Variants in CNOT4 observed in about 807,000 individuals in gnomAD.
The protein encoded by CNOT4 is CCR4-associated factor 4.
In CNOT4, 8 loss-of-function variants were observed where a neutral mutation model predicts 73.8. That is an observed-to-expected ratio of 0.11 (90% CI 0.06 to 0.20). The LOEUF is 0.20. CNOT4 is among the 10% of genes least tolerant of loss of function. The pLI, the probability that CNOT4 is intolerant of heterozygous loss-of-function variation, is 1.00. For missense variants in CNOT4, 564 were observed against 883.4 expected (o/e 0.64, Z 4.58); for synonymous variants, 293 against 321.1 (o/e 0.91, Z 0.94).
rs1801360319 is a variant in CNOT4, at chr7:135,468,407, G to A, written c.-92-29984C>T. Among the ~76,000 whole-genome samples, 3 of 152,138 alleles carry A rather than the reference G, an allele frequency of 2.0e-5. No homozygotes were observed. The South Asian group carries it at 6.2e-4, about 32-fold the overall frequency. Reference sequence around the variant, plus strand: ...AAAATTTCACACATCTCAGCTGGGCGTGGTGGCTCACACCTGTAGTCCGAA... The same window carrying A: ...AAAATTTCACACATCTCAGCTGGGCATGGTGGCTCACACCTGTAGTCCGAA... On this transcript the variant is annotated intron_variant, in intron 1 of 11. Coordinates refer to ENST00000541284, the MANE Select transcript of CNOT4 (RefSeq NM_001190850.2).
chr7:135,444,650 G>T, intron 1 of CNOT4: 2 of 1,156,872 alleles, frequency 1.7e-6, no homozygotes, highest in South Asian at 2.4e-5. Flanking sequence ...CTCTCCACTG[G>T]ACTAGCAAGA....
chr7:135,446,291 A>C (rs1799818921), intron 1 of CNOT4, among the ~76,000 whole-genome samples: 1 of 152,174 alleles, frequency 6.6e-6, no homozygotes, highest in Admixed American at 6.5e-5. Context: ...TACTTAATTT[A>C]ACAGAGTTTC....
At chr7:135,390,561 G>A (rs1041285224) in intron 10 of CNOT4, among the ~76,000 whole-genome samples, 2 of 151,774 alleles carry the variant, frequency 1.3e-5, no homozygotes, top group Non-Finnish European at 2.9e-5. Context: ...TGCTAAAAAG[G>A]TTTCACCTAA....
intron 3 of CNOT4, among the ~76,000 whole-genome samples, chr7:135,417,956 C>T (rs1797960548): frequency 6.6e-6 from 1 of 152,218 alleles, no homozygotes; most frequent in Non-Finnish European, 1.5e-5. Context: ...CAGCACACAA[C>T]ACTTCTCATA....
Position 135,413,515 on chromosome 7 carries a change from C to T in CNOT4, c.660G>A (p.Ala220=), listed in dbSNP as rs552025266. The change falls in exon 6 of 12, where the codon GCG becomes GCA. Residue 220 remains alanine (A), a synonymous_variant. Transcript: ENST00000541284. Reference sequence around the variant, plus strand: ...GCATTTCCTCTTTTGTGAAGCTGGCCGCCTCATCCCCCAATTCATGAAGAT... The same window carrying T: ...GCATTTCCTCTTTTGTGAAGCTGGCTGCCTCATCCCCCAATTCATGAAGAT... ...CMYLHELGDE[A]ASFTKEEMQA... The T allele has an allele frequency of 1.1e-5, 17 of 1,611,886 alleles. No individual in the cohort carries two copies. Among genetic ancestry groups the T allele is most frequent in the East Asian group, 2.2e-5 (1 of 44,836 alleles).
intron 7 of CNOT4, among the ~76,000 whole-genome samples, chr7:135,401,506 T>C (rs1796999732): frequency 6.6e-6 from 1 of 152,184 alleles, no homozygotes; most frequent in Non-Finnish European, 1.5e-5. Flanking sequence ...AACCTCTTTC[T>C]ACTGCACTAA....
intron 5 of CNOT4, 87 bp from the exon 6 acceptor site, chr7:135,413,700 C>T (rs1797700101): frequency 7.4e-7 from 1 of 1,359,296 alleles, no homozygotes; most frequent in African/African-American, 1.5e-5. Flanking sequence ...GTTTTCAAGT[C>T]ACCTAAAATG....
At position 135,413,433 on chromosome 7, in the gene CNOT4, A is replaced by C; in HGVS notation, c.687+55T>G. 9.1e-6 allele frequency: 11 copies of C among 1,204,488 alleles called. No individual in the cohort carries two copies. In the South Asian group the frequency reaches 1.7e-4, roughly 18 times the overall value. 74.6% of individuals were successfully genotyped at this position (1,204,488 alleles called of 1,614,324 possible). A position where few individuals can be genotyped will look rare whatever the true frequency, so the allele number is the denominator to read the frequency against. ...TTTTGCTTTTGCAATGTTAACTAAT[A>C]AAAAAAAAAGTACTCCCTTTTCTGC... On this transcript the variant is annotated intron_variant, in intron 6 of 11. Transcript: ENST00000541284.
chr7:135,459,662 G>A (rs1800753687), intron 1 of CNOT4, among the ~76,000 whole-genome samples: 1 of 152,146 alleles, frequency 6.6e-6, no homozygotes, highest in South Asian at 2.1e-4. Flanking sequence ...ACAGAGCATA[G>A]GCAGGGTAGA....
At chr7:135,400,163 A>G (rs1796927365) in intron 7 of CNOT4, among the ~76,000 whole-genome samples, 1 of 152,040 alleles carries the variant, frequency 6.6e-6, no homozygotes, top group African/African-American at 2.4e-5. Flanking sequence ...CTCCTGTGTC[A>G]AGGGTCAAAA....
At chr7:135,420,665 T>C (rs939192491) in intron 3 of CNOT4, among the ~76,000 whole-genome samples, 8 of 142,822 alleles carry the variant, frequency 5.6e-5, no homozygotes, top group African/African-American at 2.1e-4. Context: ...GTTAGAGGAG[T>C]ATATAGAAGT....
intron 1 of CNOT4, among the ~76,000 whole-genome samples, chr7:135,461,962 TTC>T (rs1800903631): frequency 6.6e-6 from 1 of 152,100 alleles, no homozygotes; most frequent in Admixed American, 6.5e-5. Flanking sequence ...CAGCAAACTC[TTC>T]TCTTTAAAAA....
intron 2 of CNOT4, among the ~76,000 whole-genome samples, chr7:135,427,136 A>T (rs553161006): frequency 1.1e-4 from 16 of 152,314 alleles, no homozygotes; most frequent in African/African-American, 3.6e-4. Flanking sequence ...TAAACTGCCA[A>T]ATTACTAGTT....
chr7:135,384,520 T>C (rs7798560), intron 10 of CNOT4: 61,446 of 611,584 alleles, frequency 0.1, 3,519 homozygotes, highest in African/African-American at 0.19. Context: ...CTCCTGACCT[T>C]GTGATCTGCC....
intron 2 of CNOT4, among the ~76,000 whole-genome samples, chr7:135,435,817 T>A (rs1467759582): frequency 2.0e-5 from 3 of 152,228 alleles, no homozygotes; most frequent in Non-Finnish European, 4.4e-5. Flanking sequence ...ATCTGCTAGG[T>A]ATAGAAGCTC....
At chr7:135,438,104 C>CA (rs1264095561) in intron 2 of CNOT4, 54 bp downstream of exon 2, 3 of 1,004,142 alleles carry the variant, frequency 3.0e-6, no homozygotes, top group Non-Finnish European at 4.6e-6. Context: ...TACATGGCAG[C>CA]AAAAAACTAT....
chr7:135,502,631 A>G (rs187967084), intron 1 of CNOT4, among the ~76,000 whole-genome samples: 223 of 152,048 alleles, frequency 1.5e-3, no homozygotes, highest in African/African-American at 5.2e-3. Context: ...CCTGGCCAAC[A>G]TGGTGAAACC....
In CNOT4 at chr7:135,415,407, G is replaced by T. The variant is rs943804515; in HGVS notation, c.373-145C>A. 2.6e-5 allele frequency: 14 copies of T among 548,502 alleles called. No homozygotes were observed. In the African/African-American group the frequency reaches 2.6e-4, roughly 10 times the overall value. The allele number at this position is 548,502 out of a possible 1,614,324, so 34.0% of individuals were successfully genotyped here. A position where few individuals can be genotyped will look rare whatever the true frequency, so the allele number is the denominator to read the frequency against. On this transcript the variant is annotated intron_variant, in intron 3 of 11. Coordinates refer to ENST00000541284, the MANE Select transcript of CNOT4 (RefSeq NM_001190850.2). ...TAATAAATGTCACTACCTCCTAATT[G>T]CAGTTTGTGTAGCTAACCTATAGGA...
chr7:135,390,087 C>CAATAG (rs1259628869), intron 10 of CNOT4, among the ~76,000 whole-genome samples: 6 of 152,118 alleles, frequency 3.9e-5, no homozygotes, highest in African/African-American at 1.4e-4. Flanking sequence ...AGGCCATATA[C>CAATAG]CCCTGAGCTG....
Sources: gnomAD v4.1 joint callset for allele counts (sites outside exome capture counted in the v4.1 genomes callset) on GRCh38, gnomAD v4.1.1 for gene constraint, MANE v1.5 for transcripts, NCBI Gene and HGNC (gene_info 2026-07-23, HGNC 2026-07-21) for gene names.